SPIDR: variants seen among roughly 807,000 people sequenced by gnomAD.
SPIDR encodes scaffold protein involved in DNA repair.
A neutral mutation model predicts 104.6 loss-of-function variants in SPIDR; 93 were observed. The ratio of observed to expected loss-of-function variants is 0.89; its 90% CI spans 0.75 to 1.06. SPIDR has a LOEUF of 1.06. Ranked by LOEUF, SPIDR falls within the 50% of genes least tolerant of loss-of-function variation. SPIDR has a pLI of 0.00. For missense variants in SPIDR, 1,154 were observed against 1,111.2 expected, an observed-to-expected ratio of 1.04 and a Z score of -0.55; for synonymous variants, 431 against 416.9, an observed-to-expected ratio of 1.03 and a Z score of -0.41.
intron 7 of SPIDR, among the ~76,000 whole-genome samples, chr8:47,432,205 T>C (rs1554689745): frequency 6.6e-6 from 1 of 152,188 alleles, no homozygotes; most frequent in African/African-American, 2.4e-5. Flanking sequence ...GAAAAAACAA[T>C]ATAAACAAGT....
At chr8:47,592,591 G>GCAAACC in intron 8 of SPIDR, 1 of 1,244,444 alleles carries the variant, frequency 8.0e-7, no homozygotes, top group East Asian at 2.3e-5. Context: ...TGATGATCCT[G>GCAAACC]CGGGGCAGCC....
At chr8:47,580,698 A>G (rs984981505) in intron 8 of SPIDR, among the ~76,000 whole-genome samples, 4 of 149,786 alleles carry the variant, frequency 2.7e-5, no homozygotes, top group Non-Finnish European at 5.9e-5. Context: ...AGATGCCTAC[A>G]TTAAAACACC....
At chr8:47,366,194 T>C (rs1226783527) in intron 5 of SPIDR, among the ~76,000 whole-genome samples, 1 of 152,082 alleles carries the variant, frequency 6.6e-6, no homozygotes, top group East Asian at 1.9e-4. Context: ...AGAGAGCAGC[T>C]GAACAGAGGC....
At chr8:47,411,905 A>G (rs1217883338) in intron 7 of SPIDR, among the ~76,000 whole-genome samples, 6 of 152,206 alleles carry the variant, frequency 3.9e-5, no homozygotes, top group Non-Finnish European at 7.3e-5. Context: ...CATTTATTAA[A>G]TAAGGATTCC....
intron 1 of SPIDR, among the ~76,000 whole-genome samples, chr8:47,274,852 G>T (rs1407673365): frequency 6.6e-6 from 1 of 151,714 alleles, no homozygotes; most frequent in East Asian, 1.9e-4. Flanking sequence ...GGGATTACAG[G>T]CATGAGCCAC....
intron 5 of SPIDR, among the ~76,000 whole-genome samples, chr8:47,326,834 C>T (rs1248508270): frequency 2.6e-5 from 4 of 152,176 alleles, no homozygotes; most frequent in Non-Finnish European, 5.9e-5. Flanking sequence ...ATATGCCACA[C>T]GTTGTTTAGC....
chr8:47,412,251 G>A (rs2063637595), intron 7 of SPIDR, among the ~76,000 whole-genome samples: 2 of 152,108 alleles, frequency 1.3e-5, no homozygotes, highest in African/African-American at 4.8e-5. Context: ...TGGACAGTAT[G>A]GCCATTTTCA....
chr8:47,501,458 G>A (rs1358624363), intron 8 of SPIDR, among the ~76,000 whole-genome samples: 1 of 152,110 alleles, frequency 6.6e-6, no homozygotes, highest in Non-Finnish European at 1.5e-5. Flanking sequence ...TGTTATTGGT[G>A]TATAAGAATG....
At chr8:47,542,991 A>G (rs2088537280) in intron 8 of SPIDR, among the ~76,000 whole-genome samples, 1 of 152,134 alleles carries the variant, frequency 6.6e-6, no homozygotes, top group African/African-American at 2.4e-5. Context: ...TTTTCTGGAG[A>G]TTCATCCCAG....
intron 8 of SPIDR, chr8:47,592,700 G>A (rs1216234136): frequency 3.1e-6 from 2 of 637,632 alleles, no homozygotes; most frequent in East Asian, 5.4e-5. Context: ...TTTATAATAT[G>A]ATTGTCTTTA....
Position 47,701,871 on chromosome 8 carries a change from T to C in SPIDR, c.1917+7T>C. On this transcript the variant is annotated splice_region_variant and intron_variant, in intron 13 of 19. Coordinates refer to ENST00000297423, the MANE Select transcript of SPIDR (RefSeq NM_001080394.4). ...CTTAAGAGACATTCTCCAGGTAATG[T>C]CTTTGTTTCTAACAGGTTTTTTAGG... The C allele has an allele frequency of 6.2e-7, 1 of 1,614,124 alleles. No individual in the cohort carries two copies. Among genetic ancestry groups the C allele is most frequent in the South Asian group, 1.1e-5 (1 of 91,086 alleles).
At chr8:47,416,089 C>G (rs1554675144) in intron 7 of SPIDR, among the ~76,000 whole-genome samples, 1 of 152,100 alleles carries the variant, frequency 6.6e-6, no homozygotes, top group Non-Finnish European at 1.5e-5. Flanking sequence ...ACTAAAAATA[C>G]AAAAATTAGC....
chr8:47,394,066 C>T (rs925280470), intron 5 of SPIDR, among the ~76,000 whole-genome samples: 4 of 152,060 alleles, frequency 2.6e-5, no homozygotes, highest in Non-Finnish European at 2.9e-5. Context: ...GCCACCACAC[C>T]GGGCTAATTT....
intron 7 of SPIDR, among the ~76,000 whole-genome samples, chr8:47,426,106 A>G (rs1554684592): frequency 6.6e-6 from 1 of 151,816 alleles, no homozygotes; most frequent in East Asian, 1.9e-4. Context: ...AAAAAAATTA[A>G]CCAGCCATGG....
At chr8:47,457,041 A>G (rs1484639863) in intron 8 of SPIDR, among the ~76,000 whole-genome samples, 4 of 152,134 alleles carry the variant, frequency 2.6e-5, no homozygotes, top group African/African-American at 9.7e-5. Context: ...CATTTTTGCA[A>G]TTGCAAATTG....
chr8:47,575,979 T>A (rs2059074842), intron 8 of SPIDR, among the ~76,000 whole-genome samples: 1 of 148,754 alleles, frequency 6.7e-6, no homozygotes, highest in African/African-American at 2.5e-5. Flanking sequence ...AAAAGTTTCT[T>A]TTTTTTTTTG....
At chr8:47,494,497 A>G (rs571975738) in intron 8 of SPIDR, among the ~76,000 whole-genome samples, 47 of 152,270 alleles carry the variant, frequency 3.1e-4, no homozygotes, top group African/African-American at 9.9e-4. Context: ...ATTACACTGA[A>G]TGAACGGTTT....
intron 10 of SPIDR, among the ~76,000 whole-genome samples, chr8:47,655,161 A>G (rs997607791): frequency 1.3e-5 from 2 of 152,252 alleles, no homozygotes; most frequent in South Asian, 2.1e-4. Flanking sequence ...GGTCTTTGCT[A>G]TTGTGAATGG....
intron 8 of SPIDR, among the ~76,000 whole-genome samples, chr8:47,469,566 T>C (rs1188603872): frequency 4.6e-5 from 7 of 152,112 alleles, no homozygotes; most frequent in South Asian, 2.1e-4. Context: ...GTCGTGATTT[T>C]ACAGAAACAT....
Sources: allele counts gnomAD v4.1 joint callset (sites outside exome capture counted in the v4.1 genomes callset), GRCh38; gene constraint gnomAD v4.1.1; transcripts MANE v1.5; gene names NCBI Gene and HGNC (gene_info 2026-07-23, HGNC 2026-07-21).